Variants in CYTH2 observed in about 807,000 individuals in gnomAD.
The protein encoded by CYTH2 is cytohesin-2.
In CYTH2, 24 loss-of-function variants were observed where a neutral mutation model predicts 55.4. The ratio of observed to expected loss-of-function variants is 0.43; its 90% CI spans 0.31 to 0.61. The LOEUF (loss-of-function observed/expected upper bound fraction) is 0.61, where lower values mean the gene tolerates loss of function less well. Among genes scored for constraint, CYTH2 ranks in the 20% least tolerant of loss-of-function variants. The pLI is 0.08. For synonymous variants in CYTH2, 221 were observed against 209.6 expected (o/e 1.05, Z -0.47); for missense variants, 378 against 533.5 (o/e 0.71, Z 2.87).
rs761782994 is a variant in CYTH2, at chr19:48,470,335, C to T, written c.20-18C>T. ...CGGCCCCTAGCACTGACTTTTAAAC[C>T]TTGACCCCGATCCCTAGAACCCCCA... On this transcript the variant is annotated intron_variant, in intron 1 of 11. Coordinates refer to ENST00000452733, the MANE Select transcript of CYTH2 (RefSeq NM_004228.7). 6.3e-7 allele frequency: 1 copy of T among 1,595,832 alleles called. No homozygotes were observed. Among genetic ancestry groups the T allele is most frequent in the Non-Finnish European group, 8.5e-7 (1 of 1,170,612 alleles).
intron 5 of CYTH2, 105 bp downstream of exon 5, chr19:48,473,483 C>G (rs1971845479): frequency 4.1e-6 from 5 of 1,231,350 alleles, no homozygotes; most frequent in Non-Finnish European, 5.9e-6. Context: ...ACAAGCAAAA[C>G]AGAAACAAAA....
At chr19:48,476,067 C>T in intron 8 of CYTH2, 1 of 516,512 alleles carries the variant, frequency 1.9e-6, no homozygotes, top group Middle Eastern at 3.2e-4. Context: ...TCTTGGGGGC[C>T]TCCCCATGTG....
chr19:48,478,206 C>T (rs1971960204), intron 9 of CYTH2, 61 bp downstream of exon 9: 2 of 1,612,370 alleles, frequency 1.2e-6, no homozygotes, highest in Non-Finnish European at 1.7e-6. Flanking sequence ...GCCTGGACTC[C>T]TGGGGCTGAG....
rs951494248 is a variant in CYTH2, at chr19:48,474,472, TTC to T, written c.696+152_696+153del. On this transcript the variant is annotated intron_variant, in intron 7 of 11. Coordinates refer to ENST00000452733, the MANE Select transcript of CYTH2 (RefSeq NM_004228.7). The surrounding 1 kb of genome is among the most constrained non-coding windows in gnomAD (Gnocchi z 4.9). ...TCATGCCAACTCGTGTGTGATCTTTTTCTCTCTCTCTGGGTGCTTCTCTTCTT... is the reference window on the plus strand; with the variant it reads ...TCATGCCAACTCGTGTGTGATCTTTTTCTCTCTCTGGGTGCTTCTCTTCTT... 2.5e-5 allele frequency: 24 copies of T among 959,776 alleles called. No individual in the cohort carries two copies. Among genetic ancestry groups the T allele is most frequent in the South Asian group, 3.6e-5 (2 of 56,034 alleles). 59.5% of individuals were successfully genotyped at this position (959,776 alleles called of 1,614,324 possible). A position where few individuals can be genotyped will look rare whatever the true frequency, so the allele number is the denominator to read the frequency against.
At chr19:48,471,926 C>T (rs1167907768) in intron 3 of CYTH2, among the ~76,000 whole-genome samples, 3 of 152,124 alleles carry the variant, frequency 2.0e-5, no homozygotes, top group Non-Finnish European at 4.4e-5. Context: ...TGTGTTGGGG[C>T]ATGCCTATAG....
rs1159576073 is a variant in CYTH2, at chr19:48,478,051, C to T, written c.809-18C>T. On this transcript the variant is annotated intron_variant, in intron 8 of 11. Coordinates refer to ENST00000452733, the MANE Select transcript of CYTH2 (RefSeq NM_004228.7). ...CCCCCTGTTGAGCCCAGGCCCCCTC[C>T]CACCCCTTCCCTTTCAGGGGGCCGG... 1 of 1,612,194 alleles carries T rather than the reference C, an allele frequency of 6.2e-7. No individual in the cohort carries two copies. Among genetic ancestry groups the T allele is most frequent in the Non-Finnish European group, 8.5e-7 (1 of 1,178,562 alleles).
chr19:48,474,130 G>C lies in CYTH2; in HGVS notation c.548-52G>C. 1 of 1,555,496 alleles carries C rather than the reference G, an allele frequency of 6.4e-7. No homozygotes were observed. The highest frequency in any genetic ancestry group is 8.7e-7 in the Non-Finnish European group (1 of 1,149,482). On this transcript the variant is annotated intron_variant, in intron 6 of 11. Transcript: ENST00000452733. This position sits in a 1 kb window ranked among gnomAD's most constrained non-coding sequence, Gnocchi z 4.9. ...GAATCCTGGGTCCTGGGGAATGGGG[G>C]CACTGGGGACTGACATGCCTGGGTC...
At chr19:48,471,567 C>T (rs980747845) in intron 3 of CYTH2, among the ~76,000 whole-genome samples, 3 of 152,198 alleles carry the variant, frequency 2.0e-5, no homozygotes, top group Non-Finnish European at 4.4e-5. Context: ...TCAGAGAGCC[C>T]TTGGACACCG....
chr19:48,476,678 C>T (rs1971920161), intron 8 of CYTH2: 1 of 152,180 alleles, frequency 6.6e-6, no homozygotes, highest in Admixed American at 6.6e-5. Flanking sequence ...GAGTTTGAGA[C>T]CAGCCTGGCC....
At chr19:48,469,938 C>T (rs958552697) in intron 1 of CYTH2, 2 of 556,798 alleles carry the variant, frequency 3.6e-6, no homozygotes, top group Non-Finnish European at 7.0e-6. Flanking sequence ...TCATCAGTTC[C>T]CCCGGCTGTA....
intron 4 of CYTH2, 161 bp from the exon 5 acceptor site, chr19:48,473,137 C>G: frequency 1.4e-6 from 1 of 709,328 alleles, no homozygotes; most frequent in Middle Eastern, 3.9e-4. Flanking sequence ...CATCCCCCAC[C>G]CTGGGGGCAG....
chr19:48,479,651 GA>G lies in CYTH2; in HGVS notation c.*443del, dbSNP rs1308093399. ...GGGTCAAGGTCTAGCATTCATTCTA[GA>G]AGTTACTTGACAGCCATCAGCCAGT... On this transcript the variant is annotated 3_prime_UTR_variant, in exon 12 of 12. Coordinates refer to ENST00000452733, the MANE Select transcript of CYTH2 (RefSeq NM_004228.7). 5.9e-6 allele frequency: 1 copy of G among 169,988 alleles called. No individual in the cohort carries two copies. The highest frequency in any genetic ancestry group is 5.6e-5 in the Admixed American group (1 of 17,952). The allele number at this position is 169,988 out of a possible 1,614,324, so 10.5% of individuals were successfully genotyped here.
chr19:48,478,971 G>T lies in CYTH2; in HGVS notation c.1113-152G>T, dbSNP rs180910510. ...GGAGGAGGGGCCGGGGGCCTGGACT[G>T]CTGGGTCTGAGGGAGGAGGGGCCGG... is the stretch of plus-strand genomic sequence containing the variant. On this transcript the variant is annotated intron_variant, in intron 11 of 11. Coordinates refer to ENST00000452733, the MANE Select transcript of CYTH2 (RefSeq NM_004228.7). 7 of 648,404 alleles carry T rather than the reference G, an allele frequency of 1.1e-5. No homozygotes were observed. In the Admixed American group the frequency reaches 1.8e-4, roughly 17 times the overall value. 40.2% of individuals were successfully genotyped at this position (648,404 alleles called of 1,614,324 possible). A position where few individuals can be genotyped will look rare whatever the true frequency, so the allele number is the denominator to read the frequency against.
intron 8 of CYTH2, chr19:48,476,323 T>G (rs527388450): frequency 9.6e-6 from 2 of 208,506 alleles, no homozygotes; most frequent in African/African-American, 4.7e-5. Context: ...GAGGATTGTT[T>G]GAGCTCAAGT....
chr19:48,475,638 G>A, intron 8 of CYTH2: 1 of 163,996 alleles, frequency 6.1e-6, no homozygotes, highest in Non-Finnish European at 1.3e-5. Flanking sequence ...CATGATGAGG[G>A]GTTAGCACAA....
chr19:48,472,534 AGC>A (rs1262581842), intron 4 of CYTH2, 91 bp downstream of exon 4: 6 of 1,017,064 alleles, frequency 5.9e-6, no homozygotes, highest in Non-Finnish European at 9.0e-6. Flanking sequence ...CAGGTGGAAC[AGC>A]CCTGCAGCCT....
Position 48,472,337 on chromosome 19 carries a change from TTGG to T in CYTH2, c.251_253del (p.Val84del). The T allele has an allele frequency of 3.7e-6, 6 of 1,613,950 alleles. No individual in the cohort carries two copies. The highest frequency in any genetic ancestry group is 5.1e-6 in the Non-Finnish European group (6 of 1,179,990). On this transcript the variant is annotated inframe_deletion, in exon 4 of 12. Coordinates refer to ENST00000452733, the MANE Select transcript of CYTH2 (RefSeq NM_004228.7). ...CCCCACCCACCAGGGGATCCAGTTC[TTGG>T]TGGAGAATGAACTGCTGCAGAACAC...
Position 48,477,771 on chromosome 19 carries a change from TGCCCTGGC to T in CYTH2, c.809-281_809-274del, listed in dbSNP as rs543201900. 429 of 447,386 alleles carry T rather than the reference TGCCCTGGC, an allele frequency of 9.6e-4. 1 individual carries two copies. Among genetic ancestry groups the T allele is most frequent in the African/African-American group, 3.1e-3 (159 of 51,492 alleles). 27.7% of individuals were successfully genotyped at this position (447,386 alleles called of 1,614,324 possible). A position where few individuals can be genotyped will look rare whatever the true frequency, so the allele number is the denominator to read the frequency against. ...CCATCACTAGACGAGGGGAGGGGGCTGCCCTGGCGCCCTGGCGCCCTGGCCTCCTGCCC... is the reference window on the plus strand; with the variant it reads ...CCATCACTAGACGAGGGGAGGGGGCTGCCCTGGCGCCCTGGCCTCCTGCCC... On this transcript the variant is annotated intron_variant, in intron 8 of 11. Coordinates refer to ENST00000452733, the MANE Select transcript of CYTH2 (RefSeq NM_004228.7).
intron 8 of CYTH2, chr19:48,477,624 T>G: frequency 4.6e-5 from 8 of 172,922 alleles, no homozygotes; most frequent in Non-Finnish European, 8.8e-5. Context: ...GCCCACCCTG[T>G]TTCTGTCGCC....
Sources: allele counts gnomAD v4.1 joint callset (sites outside exome capture counted in the v4.1 genomes callset), GRCh38; gene constraint gnomAD v4.1.1; non-coding constraint Gnocchi (gnomAD v3.1); transcripts MANE v1.5; gene names NCBI Gene and HGNC (gene_info 2026-07-23, HGNC 2026-07-21).